The following ZNF804B variants were observed in gnomAD, a reference collection of about 807,000 sequenced individuals.
ZNF804B encodes the protein zinc finger 804B.
In ZNF804B, 80 loss-of-function variants were observed where a neutral mutation model predicts 101.4. The observed-to-expected ratio is 0.79, with a 90% CI of 0.66 to 0.95. ZNF804B has a LOEUF of 0.95. Among genes scored for constraint, ZNF804B ranks in the 40% least tolerant of loss-of-function variants. The probability of loss-of-function intolerance (pLI) is 0.00; values close to 1 mark genes in which losing one functional copy is unlikely to be tolerated. For synonymous variants in ZNF804B, 622 were observed against 558.8 expected, an observed-to-expected ratio of 1.11 and a Z score of -1.59; for missense variants, 1,673 against 1,561.9, an observed-to-expected ratio of 1.07 and a Z score of -1.20.
At chr7:89,253,406 A>G (rs1035247437) in intron 2 of ZNF804B, among the ~76,000 whole-genome samples, 5 of 152,310 alleles carry the variant, frequency 3.3e-5, no homozygotes, top group Non-Finnish European at 7.4e-5. Context: ...CAATATAGGT[A>G]TAAGTAGAGA....
intron 1 of ZNF804B, among the ~76,000 whole-genome samples, chr7:89,181,736 A>G (rs1001391310): frequency 2.6e-5 from 4 of 152,264 alleles, no homozygotes; most frequent in African/African-American, 7.2e-5. Context: ...AGGGGTTAAA[A>G]ATCACTAAAG....
chr7:88,989,164 A>T (rs912687904), intron 1 of ZNF804B, among the ~76,000 whole-genome samples: 4 of 149,700 alleles, frequency 2.7e-5, no homozygotes, highest in African/African-American at 1.0e-4. Flanking sequence ...CTAGGACTTA[A>T]TTTTTTGTAT....
Position 89,220,177 on chromosome 7 carries a change from G to GCGTATA in ZNF804B, c.249+1882_249+1883insCGTATA, listed in dbSNP as rs373110832. Among the ~76,000 whole-genome samples, 22 of 31,840 alleles carry GCGTATA rather than the reference G, an allele frequency of 6.9e-4. 3 individuals are homozygous for GCGTATA. The highest frequency in any genetic ancestry group is 2.1e-3 in the African/African-American group (15 of 7,244). 20.9% of individuals were successfully genotyped at this position (31,840 alleles called of 152,430 possible). On this transcript the variant is annotated intron_variant, in intron 2 of 3. Transcript: ENST00000333190. ...TATATATATACGCACATATATATGT[G>GCGTATA]TGTATATATATATATCCTTGGGAAA...
chr7:89,252,635 A>G (rs548246865), intron 2 of ZNF804B, among the ~76,000 whole-genome samples: 2 of 152,338 alleles, frequency 1.3e-5, no homozygotes, highest in East Asian at 3.9e-4. Context: ...ATCAATCTAG[A>G]TGTTCATCAA....
chr7:89,322,589 C>T (rs1584124584), intron 2 of ZNF804B, among the ~76,000 whole-genome samples: 1 of 152,024 alleles, frequency 6.6e-6, no homozygotes, highest in African/African-American at 2.4e-5. Flanking sequence ...AATGAGGTAA[C>T]ATTGCATTAG....
At chr7:89,038,737 C>T (rs991871222) in intron 1 of ZNF804B, among the ~76,000 whole-genome samples, 1 of 151,996 alleles carries the variant, frequency 6.6e-6, no homozygotes, top group Admixed American at 6.6e-5. Context: ...ATAATCAGAC[C>T]AATATCAAGA....
At chr7:88,768,409 A>G (rs1324314480) in intron 1 of ZNF804B, among the ~76,000 whole-genome samples, 1 of 152,242 alleles carries the variant, frequency 6.6e-6, no homozygotes, top group Non-Finnish European at 1.5e-5. Context: ...ATATTTAGGC[A>G]TTAAGAACAT....
In ZNF804B at chr7:88,854,527, T is replaced by TTTCCTTTCCTTCCC. The variant is rs1791519535; in HGVS notation, c.108+94449_108+94450insTCCTTCCCTTCCTT. Among the ~76,000 whole-genome samples the TTTCCTTTCCTTCCC allele has an allele frequency of 5.2e-4, 21 of 40,032 alleles. No homozygotes were observed. In the South Asian group the frequency reaches 5.4e-3, roughly 10 times the overall value. 26.3% of individuals were successfully genotyped at this position (40,032 alleles called of 152,430 possible). On this transcript the variant is annotated intron_variant, in intron 1 of 3. Transcript: ENST00000333190. ...CTTTCCTTTCCTTTCCTTTCCTTCC[T>TTTCCTTTCCTTCCC]TTCCTTCCTTCCTTCCTTCCTTCCT...
At chr7:89,328,044 C>G (rs1790923870) in intron 3 of ZNF804B, among the ~76,000 whole-genome samples, 1 of 151,952 alleles carries the variant, frequency 6.6e-6, no homozygotes, top group African/African-American at 2.4e-5. Context: ...CTGGATGTTT[C>G]AAAGTTGTTA....
At chr7:89,182,874 A>T (rs1788318390) in intron 1 of ZNF804B, among the ~76,000 whole-genome samples, 1 of 152,146 alleles carries the variant, frequency 6.6e-6, no homozygotes, top group African/African-American at 2.4e-5. Context: ...ATATGAGTGC[A>T]TTGCATGTCT....
intron 1 of ZNF804B, among the ~76,000 whole-genome samples, chr7:88,815,666 C>A (rs1313541854): frequency 6.6e-6 from 1 of 152,056 alleles, no homozygotes; most frequent in Non-Finnish European, 1.5e-5. Flanking sequence ...CTGACACTTT[C>A]ACTGTGTAGT....
At chr7:89,288,718 G>A (rs948218924) in intron 2 of ZNF804B, among the ~76,000 whole-genome samples, 6 of 151,992 alleles carry the variant, frequency 3.9e-5, no homozygotes, top group African/African-American at 7.2e-5. Context: ...AGGGATTTTC[G>A]GCAGCCCACA....
intron 1 of ZNF804B, among the ~76,000 whole-genome samples, chr7:88,947,415 A>G (rs1584032812): frequency 6.6e-6 from 1 of 151,982 alleles, no homozygotes; most frequent in East Asian, 2.0e-4. Flanking sequence ...TAACACAGGA[A>G]CAGAAAATGA....
At chr7:89,015,972 A>T (rs1048701957) in intron 1 of ZNF804B, among the ~76,000 whole-genome samples, 2 of 151,932 alleles carry the variant, frequency 1.3e-5, no homozygotes, top group Admixed American at 1.3e-4. Context: ...AAGTGTTCCT[A>T]TTTCTCCACA....
rs145761029 is a variant in ZNF804B, at chr7:89,285,725, A to G, written c.250-41619A>G. Among the ~76,000 whole-genome samples the G allele has an allele frequency of 3.2e-4, 48 of 152,062 alleles. 1 individual carries two copies. The Middle Eastern group carries it at 0.017, about 54-fold the overall frequency. On this transcript the variant is annotated intron_variant, in intron 2 of 3. Transcript: ENST00000333190. ...GTACCAGAATTTAAGATAAGAAGGA[A>G]TAAGTTTACTTTTCTGTGCAAATGC...
intron 1 of ZNF804B, among the ~76,000 whole-genome samples, chr7:89,126,850 C>A (rs1790481851): frequency 6.6e-6 from 1 of 151,912 alleles, no homozygotes; most frequent in Non-Finnish European, 1.5e-5. Context: ...GAGATGGTAA[C>A]ATGATAAATA....
Position 89,263,761 on chromosome 7 carries a change from T to C in ZNF804B, c.249+45466T>C, listed in dbSNP as rs367642797. Among the ~76,000 whole-genome samples the C allele has an allele frequency of 2.6e-3, 389 of 152,200 alleles. 3 individuals are homozygous for C. Among genetic ancestry groups the C allele is most frequent in the African/African-American group, 9.1e-3 (376 of 41,516 alleles). ...TAAAGATAGAGGCAAAGATGGGAGT[T>C]ATGTGGTCACAAGCCAAGGAACTCC... On this transcript the variant is annotated intron_variant, in intron 2 of 3. Transcript: ENST00000333190.
At chr7:89,223,027 T>TA (rs1174459796) in intron 2 of ZNF804B, among the ~76,000 whole-genome samples, 2 of 151,914 alleles carry the variant, frequency 1.3e-5, no homozygotes, top group African/African-American at 4.8e-5. Context: ...CAAAAGTATA[T>TA]ATTTTTTCAA....
intron 2 of ZNF804B, among the ~76,000 whole-genome samples, chr7:89,281,599 C>T (rs1790095300): frequency 6.6e-6 from 1 of 152,136 alleles, no homozygotes; most frequent in South Asian, 2.1e-4. Flanking sequence ...CTGCTTGAAG[C>T]ATATGGCAAA....
Sources: allele counts gnomAD v4.1 joint callset (sites outside exome capture counted in the v4.1 genomes callset), GRCh38; gene constraint gnomAD v4.1.1; transcripts MANE v1.5; gene names NCBI Gene and HGNC (gene_info 2026-07-23, HGNC 2026-07-21).